Variants in TMEM132C observed in about 807,000 individuals in gnomAD.
The protein encoded by TMEM132C is transmembrane protein 132C.
TMEM132C carries 29 observed loss-of-function variants against 61.4 expected under a neutral mutation model. The ratio of observed to expected loss-of-function variants is 0.47; its 90% CI spans 0.35 to 0.64. The LOEUF (loss-of-function observed/expected upper bound fraction) is 0.64, where lower values mean the gene tolerates loss of function less well. Ranked by LOEUF, TMEM132C falls within the 30% of genes least tolerant of loss-of-function variation. The probability of loss-of-function intolerance (pLI) is 0.00; values close to 1 mark genes in which losing one functional copy is unlikely to be tolerated. For synonymous variants in TMEM132C, 656 were observed against 633.1 expected (o/e 1.04, Z -0.54); for missense variants, 1,408 against 1,476.9 (o/e 0.95, Z 0.76).
At chr12:128,377,243 CAG>C (rs1874221856) in intron 1 of TMEM132C, among the ~76,000 whole-genome samples, 1 of 152,092 alleles carries the variant, frequency 6.6e-6, no homozygotes, top group African/African-American at 2.4e-5. Context: ...TTAGTAGTGA[CAG>C]GGTTTCATTA....
chr12:128,518,756 G>GGTGT (rs935793530), intron 2 of TMEM132C, among the ~76,000 whole-genome samples: 2 of 149,970 alleles, frequency 1.3e-5, no homozygotes, highest in African/African-American at 4.9e-5. Context: ...GTGTGTGTGT[G>GGTGT]GTGTGTGTGT....
intron 2 of TMEM132C, among the ~76,000 whole-genome samples, chr12:128,420,457 T>A (rs1713641): frequency 0.33 from 49,851 of 151,862 alleles, 8,860 homozygotes; most frequent in African/African-American, 0.47. Flanking sequence ...AATGGAAGAT[T>A]GGAGAGGTAG....
At chr12:128,523,165 G>T (rs1170928213) in intron 2 of TMEM132C, among the ~76,000 whole-genome samples, 1 of 152,192 alleles carries the variant, frequency 6.6e-6, no homozygotes, top group African/African-American at 2.4e-5. Context: ...AGTCACACAA[G>T]AACAAATACT....
chr12:128,688,082 A>C (rs1954691411), intron 5 of TMEM132C, among the ~76,000 whole-genome samples: 1 of 152,172 alleles, frequency 6.6e-6, no homozygotes, highest in African/African-American at 2.4e-5. Context: ...GAGCCACTTG[A>C]GGAGAGGTTC....
intron 1 of TMEM132C, among the ~76,000 whole-genome samples, chr12:128,350,634 T>C (rs1873309738): frequency 6.6e-6 from 1 of 152,008 alleles, no homozygotes; most frequent in Non-Finnish European, 1.5e-5. Flanking sequence ...ATCAGGGACA[T>C]GGGCAGAGTC....
intron 1 of TMEM132C, among the ~76,000 whole-genome samples, chr12:128,367,629 T>A (rs370479866): frequency 1.3e-5 from 2 of 152,116 alleles, no homozygotes; most frequent in East Asian, 1.9e-4. Flanking sequence ...AGACCTTCCC[T>A]GTCCAGTGCA....
chr12:128,414,174 C>T lies in TMEM132C; in HGVS notation c.86-558C>T, dbSNP rs566469529. On this transcript the variant is annotated intron_variant, in intron 1 of 8. Transcript: ENST00000435159. ...GGCTGGGGTTGGAAGACTGCTTGAC[C>T]CCAGGAGTTCAAGACCAGACTGGGC... 1.3e-3 allele frequency among the ~76,000 whole-genome samples: 199 copies of T among 151,978 alleles called. 4 individuals carry two copies. In the Middle Eastern group the frequency reaches 0.021, roughly 16 times the overall value.
chr12:128,386,809 T>C (rs1874598411), intron 1 of TMEM132C, among the ~76,000 whole-genome samples: 1 of 152,040 alleles, frequency 6.6e-6, no homozygotes, highest in Non-Finnish European at 1.5e-5. Flanking sequence ...TCAGTATTTG[T>C]TGAGTGAATG....
chr12:128,548,287 T>C (rs998323454), intron 3 of TMEM132C, among the ~76,000 whole-genome samples: 4 of 152,190 alleles, frequency 2.6e-5, no homozygotes, highest in Non-Finnish European at 4.4e-5. Context: ...TTCCAATTCT[T>C]TAACTCATAT....
chr12:128,379,782 T>G (rs1362770836), intron 1 of TMEM132C, among the ~76,000 whole-genome samples: 3 of 152,232 alleles, frequency 2.0e-5, no homozygotes, highest in Admixed American at 6.5e-5. Context: ...CATTTGCATG[T>G]TCTGGGGCTT....
chr12:128,485,023 G>C (rs1444375802), intron 2 of TMEM132C, among the ~76,000 whole-genome samples: 1 of 152,040 alleles, frequency 6.6e-6, no homozygotes. Context: ...TTGGTTGGTT[G>C]GTTTTCTTAG....
chr12:128,481,017 C>T (rs1362127872), intron 2 of TMEM132C, among the ~76,000 whole-genome samples: 2 of 152,170 alleles, frequency 1.3e-5, no homozygotes, highest in African/African-American at 2.4e-5. Context: ...CTTCCTGGCT[C>T]ATAGTAGGTG....
chr12:128,481,584 C>A (rs764878580), intron 2 of TMEM132C, among the ~76,000 whole-genome samples: 1 of 152,224 alleles, frequency 6.6e-6, no homozygotes, highest in African/African-American at 2.4e-5. Context: ...GTGTGCAGTT[C>A]ATGGCTCCAA....
At chr12:128,633,860 C>T (rs145310353) in intron 4 of TMEM132C, among the ~76,000 whole-genome samples, 2 of 152,260 alleles carry the variant, frequency 1.3e-5, no homozygotes, top group African/African-American at 4.8e-5. Context: ...CAAAAAAAAT[C>T]ATGGTTAATA....
intron 3 of TMEM132C, among the ~76,000 whole-genome samples, chr12:128,579,068 G>A (rs183245565): frequency 7.9e-5 from 12 of 152,330 alleles, no homozygotes; most frequent in East Asian, 1.9e-4. Context: ...TGGAATGCTA[G>A]CACCACACAC....
chr12:128,418,502 C>G (rs1336176031), intron 2 of TMEM132C, among the ~76,000 whole-genome samples: 1 of 152,184 alleles, frequency 6.6e-6, no homozygotes, highest in Non-Finnish European at 1.5e-5. Flanking sequence ...TCCAATTCTC[C>G]TGTTTCTCCA....
chr12:128,324,738 A>G (rs1178231734), intron 1 of TMEM132C, among the ~76,000 whole-genome samples: 1 of 152,104 alleles, frequency 6.6e-6, no homozygotes, highest in Non-Finnish European at 1.5e-5. Context: ...GCTTGCAGCT[A>G]TATTCCCAGA....
At chr12:128,479,753 T>A (rs533949082) in intron 2 of TMEM132C, among the ~76,000 whole-genome samples, 92 of 152,322 alleles carry the variant, frequency 6.0e-4, no homozygotes, top group Non-Finnish European at 9.3e-4. Flanking sequence ...TTATTTGCAA[T>A]GTGACCTTAA....
intron 3 of TMEM132C, among the ~76,000 whole-genome samples, chr12:128,585,093 G>A (rs1273432061): frequency 7.2e-5 from 11 of 152,228 alleles, no homozygotes; most frequent in African/African-American, 2.2e-4. Context: ...CTGATGGACC[G>A]TCTTCACACT....
Sources: allele counts gnomAD v4.1 joint callset (sites outside exome capture counted in the v4.1 genomes callset), GRCh38; gene constraint gnomAD v4.1.1; transcripts MANE v1.5; gene names NCBI Gene and HGNC (gene_info 2026-07-23, HGNC 2026-07-21).